The following PHKA2 variants were observed in gnomAD, a reference collection of about 807,000 sequenced individuals.
PHKA2 encodes the protein phosphorylase b kinase regulatory subunit alpha, liver isoform.
PHKA2 carries 31 observed loss-of-function variants against 102.0 expected under a neutral mutation model. The ratio of observed to expected loss-of-function variants is 0.30; its 90% CI spans 0.23 to 0.41. The LOEUF (loss-of-function observed/expected upper bound fraction) is 0.41. PHKA2 is among the 10% of genes least tolerant of loss of function. The pLI is 1.00. For missense variants in PHKA2, 858 were observed against 1,023.1 expected (o/e 0.84, Z 2.20); for synonymous variants, 455 against 416.2 (o/e 1.09, Z -1.13).
At chrX:18,906,359 G>A in intron 25 of PHKA2, 136 bp downstream of exon 25, 2 of 761,106 alleles carry the variant, frequency 2.6e-6, no homozygotes, top group Non-Finnish European at 4.0e-6. Flanking sequence ...AGAGAAGCTG[G>A]TAAGGCCTGA....
rs750500879 is a variant in PHKA2 at position 18,899,190 on chromosome X, G to A, written c.3094C>T (p.His1032Tyr). 7 of 1,208,112 alleles carry A rather than the reference G, an allele frequency of 5.8e-6. No homozygotes were observed. The highest frequency in any genetic ancestry group is 7.8e-6 in the Non-Finnish European group (7 of 893,393). ...SVGQAASSSA[H>Y]SSKSARSSTP... Reference sequence around the variant, plus strand: ...ACTGTTACCGCAGACTTGGAGGAATGCGCACTGCTGGACGCGGCCTGGCCC... The same window carrying A: ...ACTGTTACCGCAGACTTGGAGGAATACGCACTGCTGGACGCGGCCTGGCCC... Residue 1032 changes from histidine (H) to tyrosine (Y), a missense_variant, in exon 29 of 33, where the codon CAT (histidine) becomes TAT (tyrosine). Physicochemically the swap from His to Tyr is moderately conservative, Grantham distance 83. Coordinates refer to ENST00000379942, the MANE Select transcript of PHKA2 (RefSeq NM_000292.3).
chrX:18,955,546 C>T (rs908402894), intron 1 of PHKA2, among the ~76,000 whole-genome samples: 9 of 111,071 alleles, frequency 8.1e-5, no homozygotes, highest in African/African-American at 2.9e-4. Context: ...ATAAACTCTG[C>T]CTAGAAATCA....
At chrX:18,928,068 G>A (rs998844396) in intron 13 of PHKA2, among the ~76,000 whole-genome samples, 4 of 112,132 alleles carry the variant, frequency 3.6e-5, no homozygotes, top group African/African-American at 1.3e-4. Context: ...GTGGAAAAAC[G>A]GTCTTAATAG....
chrX:18,966,021 C>T (rs2048935655), intron 1 of PHKA2, among the ~76,000 whole-genome samples: 1 of 107,516 alleles, frequency 9.3e-6, no homozygotes. Flanking sequence ...GGGCTGTCAG[C>T]TCACGAGAAG....
In PHKA2 at chrX:18,984,014, G is replaced by A; in HGVS notation, c.-82C>T. On this transcript the variant is annotated 5_prime_UTR_variant, in exon 1 of 33. Transcript: ENST00000379942. ...GGGCTGTGGCCTCCAAGCGGGTCTG[G>A]TTCCCGGACACTCACAGCCTTAGTC... 2.5e-6 allele frequency: 2 copies of A among 804,804 alleles called. No homozygotes were observed. The highest frequency in any genetic ancestry group is 3.8e-6 in the Non-Finnish European group (2 of 528,180). 66.3% of individuals were successfully genotyped at this position (804,804 alleles called of 1,213,427 possible).
At chrX:18,896,769 GTTC>G (rs980402205) in intron 30 of PHKA2, 8 of 243,923 alleles carry the variant, frequency 3.3e-5, no homozygotes, top group Non-Finnish European at 6.0e-5. Context: ...GCCTTTCCCT[GTTC>G]TTCTATGTTC....
chrX:18,897,687 G>A (rs1364226421), intron 29 of PHKA2: 5 of 245,527 alleles, frequency 2.0e-5, no homozygotes, highest in South Asian at 7.0e-5. Context: ...GGACACACCC[G>A]AGGCCGTCTG....
In PHKA2 at chrX:18,895,241, C is replaced by T. The variant is rs370058433; in HGVS notation, c.3283-50G>A. 3 of 1,068,233 alleles carry T rather than the reference C, an allele frequency of 2.8e-6. No individual in the cohort carries two copies. In the African/African-American group the frequency reaches 5.5e-5, roughly 20 times the overall value. 88.0% of individuals were successfully genotyped at this position (1,068,233 alleles called of 1,213,427 possible). A position where few individuals can be genotyped will look rare whatever the true frequency, so the allele number is the denominator to read the frequency against. On this transcript the variant is annotated intron_variant, in intron 30 of 32. Transcript: ENST00000379942. ...CAGTCAGATTCCAGAATGGGATAAG[C>T]ACATGCATGCACACACAGGCGTGCA...
At chrX:18,963,010 G>C (rs1281257006) in intron 1 of PHKA2, among the ~76,000 whole-genome samples, 1 of 112,729 alleles carries the variant, frequency 8.9e-6, no homozygotes, top group Non-Finnish European at 1.9e-5. Flanking sequence ...CTCTCCAAGA[G>C]GGATTCAATT....
chrX:18,961,397 C>T (rs1363932963), intron 1 of PHKA2, among the ~76,000 whole-genome samples: 1 of 111,201 alleles, frequency 9.0e-6, no homozygotes, highest in East Asian at 2.8e-4. Context: ...CAGTGGCTCA[C>T]GCCTATAATC....
chrX:18,895,424 C>A, intron 30 of PHKA2: 1 of 435,784 alleles, frequency 2.3e-6, no homozygotes, highest in Non-Finnish European at 4.1e-6. Flanking sequence ...AGATCTCCCC[C>A]GAACAATGCC....
intron 13 of PHKA2, among the ~76,000 whole-genome samples, chrX:18,926,832 A>G (rs1237599589): frequency 9.0e-6 from 1 of 111,470 alleles, no homozygotes; most frequent in African/African-American, 3.3e-5. Context: ...CTGATAGGAG[A>G]CTTCTAGAAA....
intron 1 of PHKA2, among the ~76,000 whole-genome samples, chrX:18,963,491 T>G (rs2048898036): frequency 8.9e-6 from 1 of 112,154 alleles, no homozygotes; most frequent in Non-Finnish European, 1.9e-5. Flanking sequence ...ATACCATATT[T>G]GATGACTTGA....
At chrX:18,974,231 C>A in intron 1 of PHKA2, among the ~76,000 whole-genome samples, 1 of 110,782 alleles carries the variant, frequency 9.0e-6, no homozygotes. Flanking sequence ...CCCCATATCT[C>A]CACCCAACCA....
chrX:18,958,048 C>T (rs1390651661), intron 1 of PHKA2, among the ~76,000 whole-genome samples: 2 of 110,582 alleles, frequency 1.8e-5, no homozygotes, highest in Non-Finnish European at 3.8e-5. Context: ...TTAGTAGAGA[C>T]AGGGTTTCAT....
At chrX:18,925,977 T>C (rs1428345028) in intron 14 of PHKA2, among the ~76,000 whole-genome samples, 200 bp from the exon 15 acceptor site, 1 of 111,755 alleles carries the variant, frequency 8.9e-6, no homozygotes, top group African/African-American at 3.2e-5. Context: ...CATGAATGTA[T>C]ATGAACAGTA....
At chrX:18,937,430 C>T (rs1569317295) in intron 10 of PHKA2, among the ~76,000 whole-genome samples, 2 of 111,194 alleles carry the variant, frequency 1.8e-5, no homozygotes. Flanking sequence ...CTACCAGCGT[C>T]CTTTGACAGG....
intron 13 of PHKA2, among the ~76,000 whole-genome samples, chrX:18,927,364 A>G (rs1275016833): frequency 8.9e-6 from 1 of 112,031 alleles, no homozygotes; most frequent in African/African-American, 3.2e-5. Context: ...CCTTTCTGAG[A>G]AGGGACAGTG....
Position 18,938,745 on chromosome X carries a change from G to C in PHKA2, c.923C>G (p.Pro308Arg), listed in dbSNP as rs1601758432. 2 of 1,202,060 alleles carry C rather than the reference G, an allele frequency of 1.7e-6. No homozygotes were observed. The highest frequency in any genetic ancestry group is 5.9e-5 in the East Asian group (2 of 33,807). Residue 308 changes from proline (P) to arginine (R), a missense_variant, in exon 10 of 33, where the codon CCT becomes CGT. This residue lies in a region of PHKA2 where 187 missense variants were observed against 277.9 expected (regional missense o/e 0.67). Transcript: ENST00000379942. The part of the protein sequence containing the change: ...RDGYKTPRED[P>R]NRLHYDPAEL... ...AGCAGGGTCATAATGCAGTCGATTA[G>C]GGTCCTAGAATCAAATAAGTCAAAC...
Sources: allele counts gnomAD v4.1 joint callset (sites outside exome capture counted in the v4.1 genomes callset), GRCh38; gene constraint gnomAD v4.1.1; regional missense constraint gnomAD v4.1.1; transcripts MANE v1.5; gene names NCBI Gene and HGNC (gene_info 2026-07-23, HGNC 2026-07-21).